The following RORA variants were observed in gnomAD, a reference collection of about 807,000 sequenced individuals.
RORA encodes the protein nuclear receptor ROR-alpha.
A neutral mutation model predicts 69.5 loss-of-function variants in RORA; 7 were observed. The ratio of observed to expected loss-of-function variants is 0.10; its 90% confidence interval spans 0.06 to 0.19. The LOEUF (loss-of-function observed/expected upper bound fraction) is 0.19, where lower values mean the gene tolerates loss of function less well. RORA is among the 10% of genes least tolerant of loss of function. The pLI is 1.00. For synonymous variants in RORA, 261 were observed against 240.8 expected (o/e 1.08, Z -0.78); for missense variants, 457 against 663.0 (o/e 0.69, Z 3.41).
chr15:60,651,157 T>C (rs2070137323), intron 2 of RORA, among the ~76,000 whole-genome samples: 1 of 152,174 alleles, frequency 6.6e-6, no homozygotes, highest in African/African-American at 2.4e-5. Context: ...ACTTTGGTGG[T>C]TGTTACTATG....
intron 2 of RORA, among the ~76,000 whole-genome samples, chr15:60,541,512 G>T (rs1176689854): frequency 6.6e-6 from 1 of 152,220 alleles, no homozygotes; most frequent in Non-Finnish European, 1.5e-5. Context: ...AGCAATATTT[G>T]TGGATAGCTG....
At chr15:60,523,871 C>T (rs371613859) in intron 3 of RORA, among the ~76,000 whole-genome samples, 5 of 152,148 alleles carry the variant, frequency 3.3e-5, no homozygotes, top group African/African-American at 1.2e-4. Context: ...GACAGGGTCT[C>T]GCTTTGTTGC....
chr15:60,855,819 G>A lies in RORA; in HGVS notation c.167-177133C>T, dbSNP rs139190174. On this transcript the variant is annotated intron_variant, in intron 1 of 10. Transcript: ENST00000335670. ...TTCAGTAGAGACGGGGTTTCACCACGTTAGCCAGGCTGGTCTCGAACTCCT... is the reference window on the plus strand; with the variant it reads ...TTCAGTAGAGACGGGGTTTCACCACATTAGCCAGGCTGGTCTCGAACTCCT... Among the ~76,000 whole-genome samples, 595 of 152,282 alleles carry A rather than the reference G, an allele frequency of 3.9e-3. 4 individuals carry two copies. Among genetic ancestry groups the A allele is most frequent in the African/African-American group, 0.013 (558 of 41,554 alleles).
At chr15:60,882,479 G>A (rs1433111734) in intron 1 of RORA, among the ~76,000 whole-genome samples, 2 of 152,186 alleles carry the variant, frequency 1.3e-5, no homozygotes. Context: ...CATCTGCTAG[G>A]CCAAAGCCTA....
chr15:60,834,188 A>G (rs1299531180), intron 1 of RORA, among the ~76,000 whole-genome samples: 1 of 152,220 alleles, frequency 6.6e-6, no homozygotes, highest in Non-Finnish European at 1.5e-5. Flanking sequence ...TTCAAATGCA[A>G]AGAAGGCACA....
intron 1 of RORA, among the ~76,000 whole-genome samples, chr15:60,763,062 C>T (rs1404240531): frequency 4.8e-5 from 3 of 61,940 alleles, no homozygotes; most frequent in African/African-American, 7.3e-5. Context: ...CCAATATGCA[C>T]AGATTTTTTT....
intron 2 of RORA, among the ~76,000 whole-genome samples, chr15:60,646,781 T>G (rs984008594): frequency 6.6e-6 from 1 of 152,162 alleles, no homozygotes; most frequent in African/African-American, 2.4e-5. Context: ...CATCAGAAAC[T>G]GGAAAGTCTC....
chr15:60,916,301 C>A (rs1344188531), intron 1 of RORA, among the ~76,000 whole-genome samples: 1 of 152,166 alleles, frequency 6.6e-6, no homozygotes, highest in Admixed American at 6.5e-5. Context: ...AGGGATTGCA[C>A]AGGTGGCAAC....
intron 1 of RORA, among the ~76,000 whole-genome samples, chr15:60,681,099 T>G (rs2070635897): frequency 6.6e-6 from 1 of 152,208 alleles, no homozygotes; most frequent in South Asian, 2.1e-4. Context: ...GGAATTCTCT[T>G]TGATCCTCTG....
At chr15:60,703,162 C>CAA (rs2071009735) in intron 1 of RORA, among the ~76,000 whole-genome samples, 1 of 142,890 alleles carries the variant, frequency 7.0e-6, no homozygotes, top group South Asian at 2.3e-4. Flanking sequence ...CACACACACA[C>CAA]AATCTCTTTT....
intron 1 of RORA, among the ~76,000 whole-genome samples, chr15:61,105,052 A>G (rs943706860): frequency 2.2e-5 from 3 of 134,340 alleles, no homozygotes; most frequent in Non-Finnish European, 4.7e-5. Context: ...CTTTTTCTTT[A>G]TAAATTACCC....
At chr15:61,171,220 G>A (rs1454117871) in intron 1 of RORA, among the ~76,000 whole-genome samples, 1 of 152,064 alleles carries the variant, frequency 6.6e-6, no homozygotes, top group East Asian at 1.9e-4. Context: ...TTGCTTCTCC[G>A]GTGTCCTCCA....
chr15:60,568,463 G>A (rs2067779586), intron 2 of RORA, among the ~76,000 whole-genome samples: 1 of 152,198 alleles, frequency 6.6e-6, no homozygotes, highest in South Asian at 2.1e-4. Flanking sequence ...CTATTCTCAA[G>A]ACCCAAACCT....
intron 2 of RORA, among the ~76,000 whole-genome samples, chr15:60,597,619 C>CAT (rs1555436060): frequency 9.8e-5 from 2 of 20,406 alleles, no homozygotes; most frequent in African/African-American, 3.4e-4. Context: ...TATATATATA[C>CAT]ATACATATAT....
intron 1 of RORA, among the ~76,000 whole-genome samples, chr15:60,705,466 A>G (rs1210997171): frequency 6.6e-6 from 1 of 152,222 alleles, no homozygotes; most frequent in African/African-American, 2.4e-5. Context: ...CTACAATGGG[A>G]TTTAATCAAA....
At chr15:61,198,364 G>T (rs933553488) in intron 1 of RORA, among the ~76,000 whole-genome samples, 1 of 152,050 alleles carries the variant, frequency 6.6e-6, no homozygotes, top group Non-Finnish European at 1.5e-5. Flanking sequence ...TAGGAGACTT[G>T]AGTGCTGATG....
intron 1 of RORA, among the ~76,000 whole-genome samples, chr15:61,035,792 A>G (rs1418395186): frequency 6.6e-6 from 1 of 152,242 alleles, no homozygotes; most frequent in African/African-American, 2.4e-5. Flanking sequence ...CACAAACAGA[A>G]GCATTTCTAA....
chr15:61,000,494 G>A (rs1375130567), intron 1 of RORA, among the ~76,000 whole-genome samples: 2 of 152,168 alleles, frequency 1.3e-5, no homozygotes, highest in African/African-American at 4.8e-5. Flanking sequence ...CAAAGGCAAG[G>A]AGATCCTTGT....
chr15:60,926,153 G>T (rs1261554606), intron 1 of RORA, among the ~76,000 whole-genome samples: 1 of 152,204 alleles, frequency 6.6e-6, no homozygotes, highest in Admixed American at 6.5e-5. Flanking sequence ...CTATGGTTTT[G>T]GAGGCATCTC....
Sources: allele counts gnomAD v4.1 joint callset (sites outside exome capture counted in the v4.1 genomes callset), GRCh38; gene constraint gnomAD v4.1.1; transcripts MANE v1.5; gene names NCBI Gene and HGNC (gene_info 2026-07-23, HGNC 2026-07-21).